The following NEDD9 variants were observed in gnomAD, a reference collection of about 807,000 sequenced individuals.
The protein encoded by NEDD9 is enhancer of filamentation 1.
In NEDD9, 26 loss-of-function variants were observed where a neutral mutation model predicts 76.6. The observed-to-expected ratio is 0.34, with a 90% CI of 0.25 to 0.47. The LOEUF is 0.47. Ranked by LOEUF, NEDD9 falls within the 20% of genes least tolerant of loss-of-function variation. The pLI is 1.00. For missense variants in NEDD9, 937 were observed against 1,058.5 expected (o/e 0.89, Z 1.59); for synonymous variants, 392 against 414.2 (o/e 0.95, Z 0.65).
intron 3 of NEDD9, among the ~76,000 whole-genome samples, chr6:11,243,314 T>C (rs533164139): frequency 6.6e-6 from 1 of 152,308 alleles, no homozygotes; most frequent in Admixed American, 6.5e-5. Context: ...TGAAAAAGAC[T>C]GGCAAAATAC....
At chr6:11,307,753 A>G (rs972142272) in intron 2 of NEDD9, among the ~76,000 whole-genome samples, 1 of 152,162 alleles carries the variant, frequency 6.6e-6, no homozygotes, top group Non-Finnish European at 1.5e-5. Flanking sequence ...TTTAACTGCC[A>G]CCCAGGTCAA....
intron 1 of NEDD9, among the ~76,000 whole-genome samples, chr6:11,345,422 T>C (rs1195351225): frequency 6.6e-6 from 1 of 152,052 alleles, no homozygotes; most frequent in African/African-American, 2.4e-5. Context: ...AGGACAGCAA[T>C]AGAAGAGATG....
intron 3 of NEDD9, among the ~76,000 whole-genome samples, chr6:11,272,085 C>T (rs1355645049): frequency 6.6e-6 from 1 of 152,158 alleles, no homozygotes; most frequent in African/African-American, 2.4e-5. Context: ...GTGCAGAACT[C>T]GTGTGCCAAC....
At chr6:11,321,960 A>C (rs2113473982) in intron 2 of NEDD9, among the ~76,000 whole-genome samples, 1 of 152,346 alleles carries the variant, frequency 6.6e-6, no homozygotes, top group South Asian at 2.1e-4. Flanking sequence ...GATAAAGAAA[A>C]TGTGGCACAT....
intron 3 of NEDD9, among the ~76,000 whole-genome samples, chr6:11,287,591 G>A (rs948161449): frequency 3.3e-5 from 5 of 151,996 alleles, no homozygotes; most frequent in Admixed American, 2.0e-4. Context: ...TACAGATAAC[G>A]GTCTTGAGTT....
intron 2 of NEDD9, among the ~76,000 whole-genome samples, chr6:11,208,640 G>A (rs996371058): frequency 2.0e-5 from 3 of 152,232 alleles, no homozygotes; most frequent in African/African-American, 7.2e-5. Flanking sequence ...GGCAGCCATG[G>A]CCCCTGTGCT....
chr6:11,371,514 A>G (rs1262390889), intron 1 of NEDD9, among the ~76,000 whole-genome samples: 2 of 152,236 alleles, frequency 1.3e-5, no homozygotes, highest in African/African-American at 2.4e-5. Flanking sequence ...TCTAGTTAGA[A>G]TCATACAATA....
chr6:11,271,775 G>C (rs756706422), intron 3 of NEDD9: 1 of 152,146 alleles, frequency 6.6e-6, no homozygotes, highest in Non-Finnish European at 1.5e-5. Flanking sequence ...CCATTCCAAG[G>C]TTTTGACTTC....
chr6:11,234,473 T>G (rs913549469), upstream of NEDD9, among the ~76,000 whole-genome samples: 1 of 152,202 alleles, frequency 6.6e-6, no homozygotes, highest in Non-Finnish European at 1.5e-5. Context: ...TGTCCCATCC[T>G]ATTTTAATGT....
At position 11,340,743 on chromosome 6, in the gene NEDD9, C is replaced by T. The variant is rs764942967; in HGVS notation, c.-213-6182G>A. On this transcript the variant is annotated intron_variant, in intron 1 of 3. Transcript: ENST00000397378. Reference sequence around the variant, plus strand: ...TTTAGTCAATAGATTCTCTCAATGGCCTTCTAATTCAGCACCCTGCTTTTG... The same window carrying T: ...TTTAGTCAATAGATTCTCTCAATGGTCTTCTAATTCAGCACCCTGCTTTTG... 1.2e-4 allele frequency among the ~76,000 whole-genome samples: 19 copies of T among 152,184 alleles called. 2 individuals are homozygous for T. The highest frequency in any genetic ancestry group is 1.5e-5 in the Non-Finnish European group (1 of 68,026).
At position 11,362,775 on chromosome 6, in the gene NEDD9, A is replaced by G. The variant is rs149400065; in HGVS notation, c.-214+19364T>C. 1.2e-4 allele frequency among the ~76,000 whole-genome samples: 18 copies of G among 152,362 alleles called. No individual in the cohort carries two copies. In the East Asian group the frequency reaches 3.5e-3, roughly 29 times the overall value. On this transcript the variant is annotated intron_variant, in intron 1 of 3. Transcript: ENST00000397378. ...TTAAGTGGAAGTGCATTAGCATTTG[A>G]GTGTTAATGGAGCAGACCTTTAATA...
chr6:11,248,284 C>T (rs1396726368), intron 3 of NEDD9, among the ~76,000 whole-genome samples: 1 of 151,884 alleles, frequency 6.6e-6, no homozygotes. Flanking sequence ...GTGCCAGATA[C>T]AGCTAAGTGC....
chr6:11,237,479 T>C (rs1759627964), upstream of NEDD9, among the ~76,000 whole-genome samples: 1 of 152,220 alleles, frequency 6.6e-6, no homozygotes, highest in Non-Finnish European at 1.5e-5. This position sits in a 1 kb window ranked among gnomAD's most constrained non-coding sequence, Gnocchi z 4.9. Flanking sequence ...AAAATGGTGT[T>C]AGGATGCACC....
chr6:11,265,841 AC>A (rs1760190632), intron 3 of NEDD9, among the ~76,000 whole-genome samples: 1 of 152,124 alleles, frequency 6.6e-6, no homozygotes, highest in Non-Finnish European at 1.5e-5. Flanking sequence ...GCAATGGAAT[AC>A]TCTTCAGCCA....
intron 1 of NEDD9, among the ~76,000 whole-genome samples, chr6:11,343,334 CAGG>C (rs1762310166): frequency 1.3e-5 from 2 of 151,740 alleles, no homozygotes; most frequent in African/African-American, 4.8e-5. Flanking sequence ...GAGGCTGAGG[CAGG>C]AGAATTGCTT....
rs79530506 is a variant in NEDD9, at chr6:11,290,059, T to C, written c.12+15933A>G. Reference sequence around the variant, plus strand: ...ACGGTTCCACGGGGGCAAAGATGCATGCAGATTTTCACACAGGAGTTCTTT... The same window carrying C: ...ACGGTTCCACGGGGGCAAAGATGCACGCAGATTTTCACACAGGAGTTCTTT... On this transcript the variant is annotated intron_variant, in intron 3 of 3. Transcript: ENST00000397378. Among the ~76,000 whole-genome samples, 1,228 of 152,208 alleles carry C rather than the reference T, an allele frequency of 8.1e-3. 16 individuals carry two copies. The highest frequency in any genetic ancestry group is 0.028 in the African/African-American group (1,179 of 41,514).
chr6:11,187,304 T>C (rs894376110), intron 6 of NEDD9, among the ~76,000 whole-genome samples: 2 of 152,194 alleles, frequency 1.3e-5, no homozygotes, highest in Non-Finnish European at 2.9e-5. Flanking sequence ...GGCTTGTAAA[T>C]AAATCCTCAA....
chr6:11,233,558 C>T, upstream of NEDD9: 3 of 517,592 alleles, frequency 5.8e-6, no homozygotes, highest in Middle Eastern at 3.2e-4. Flanking sequence ...CTGAGGATGA[C>T]CCATTAACCC....
intron 1 of NEDD9, among the ~76,000 whole-genome samples, chr6:11,380,408 A>G (rs987234627): frequency 8.5e-5 from 13 of 152,350 alleles, no homozygotes; most frequent in African/African-American, 3.1e-4. Context: ...TTCCGTGTAG[A>G]TTATTCCACT....
Sources: gnomAD v4.1 joint callset for allele counts (sites outside exome capture counted in the v4.1 genomes callset) on GRCh38, gnomAD v4.1.1 for gene constraint, Gnocchi (gnomAD v3.1) non-coding constraint, MANE v1.5 for transcripts, NCBI Gene and HGNC (gene_info 2026-07-23, HGNC 2026-07-21) for gene names.